The following SAMMSON variants were observed in gnomAD, a reference collection of about 807,000 sequenced individuals.
The protein encoded by SAMMSON is survival associated mitochondrial melanoma specific oncogenic non-coding RNA, also known as long intergenic non-protein coding RNA 1212.
chr3:70,298,218 G>A (rs543511117), intron 7 of SAMMSON, among the ~76,000 whole-genome samples: 3 of 152,132 alleles, frequency 2.0e-5, no homozygotes, highest in Admixed American at 6.6e-5. Flanking sequence ...AAAATATATT[G>A]CTGTTTCTTA....
At chr3:70,130,894 T>C (rs1227125124) in intron 4 of SAMMSON, among the ~76,000 whole-genome samples, 1 of 152,170 alleles carries the variant, frequency 6.6e-6, no homozygotes, top group Non-Finnish European at 1.5e-5. Flanking sequence ...CTGTGCTCTG[T>C]CCAAGTTCCT....
chr3:70,140,310 A>G (rs2067522726), intron 4 of SAMMSON: 1 of 218,278 alleles, frequency 4.6e-6, no homozygotes, highest in Admixed American at 4.4e-5. Flanking sequence ...TCCCCCAACA[A>G]CAGAAAGAGA....
chr3:70,369,297 C>A (rs965857239), intron 9 of SAMMSON, among the ~76,000 whole-genome samples: 2 of 151,584 alleles, frequency 1.3e-5, no homozygotes, highest in Admixed American at 6.6e-5. Context: ...GATAGACAAT[C>A]ATGTCATCTG....
chr3:70,258,570 C>T (rs1408755760), intron 6 of SAMMSON, among the ~76,000 whole-genome samples: 1 of 152,180 alleles, frequency 6.6e-6, no homozygotes, highest in Middle Eastern at 3.4e-3. Flanking sequence ...AATTTCTATC[C>T]ATTGTAAACA....
rs575266207 is a variant in SAMMSON, at chr3:70,364,918, T to A, written n.913+6594T>A. The stretch of plus-strand genomic sequence containing the variant: ...ATTTCATGTTCGTTTCTACTATAAA[T>A]CCCGCATCTCTTTCAATGAGATCGT... On this transcript the variant is annotated intron_variant and non_coding_transcript_variant, in intron 9 of 9. Transcript: ENST00000642114. 3.9e-4 allele frequency among the ~76,000 whole-genome samples: 60 copies of A among 151,908 alleles called. 1 individual carries two copies. The South Asian group carries it at 0.012, about 31-fold the overall frequency.
intron 7 of SAMMSON, among the ~76,000 whole-genome samples, chr3:70,338,041 C>T (rs180984152): frequency 1.3e-5 from 2 of 151,332 alleles, no homozygotes; most frequent in Admixed American, 1.3e-4. Flanking sequence ...TATTTATTGA[C>T]CAAAATTTAT....
chr3:70,157,717 G>A (rs1264293145), intron 4 of SAMMSON, among the ~76,000 whole-genome samples: 1 of 152,066 alleles, frequency 6.6e-6, no homozygotes, highest in African/African-American at 2.4e-5. Flanking sequence ...CAATGAGTAA[G>A]GATTTACTCT....
chr3:70,035,503 A>G (rs2067082045), intron 3 of SAMMSON, among the ~76,000 whole-genome samples: 1 of 152,182 alleles, frequency 6.6e-6, no homozygotes, highest in Non-Finnish European at 1.5e-5. Flanking sequence ...CTAGGAATCC[A>G]GGGTGGCCAT....
intron 1 of SAMMSON, among the ~76,000 whole-genome samples, chr3:70,011,971 G>A (rs888447489): frequency 3.9e-5 from 6 of 151,986 alleles, no homozygotes; most frequent in African/African-American, 7.3e-5. Flanking sequence ...AAATGGCAAC[G>A]CTGTGAGTTA....
chr3:70,193,130 A>T (rs919761322), intron 4 of SAMMSON, among the ~76,000 whole-genome samples: 7 of 152,126 alleles, frequency 4.6e-5, no homozygotes, highest in African/African-American at 4.8e-5. Context: ...GCATATCAAG[A>T]TGGTAGACCA....
intron 9 of SAMMSON, among the ~76,000 whole-genome samples, chr3:70,366,494 T>TTTG (rs1466898797): frequency 5.5e-5 from 6 of 109,718 alleles, no homozygotes; most frequent in Middle Eastern, 0.011. Context: ...GTTTTTATGT[T>TTTG]TTTTTTTTTT....
chr3:70,190,724 C>G (rs1281471328), intron 4 of SAMMSON, among the ~76,000 whole-genome samples: 5 of 152,098 alleles, frequency 3.3e-5, no homozygotes, highest in Non-Finnish European at 1.5e-5. Context: ...TGAAAGGCAT[C>G]AAGAAAGTGA....
chr3:70,126,184 G>A, intron 4 of SAMMSON: 1 of 1,143,288 alleles, frequency 8.7e-7, no homozygotes, highest in Non-Finnish European at 1.3e-6. Flanking sequence ...ATGGTTTGGT[G>A]TAATTACATT....
intron 7 of SAMMSON, among the ~76,000 whole-genome samples, chr3:70,344,957 T>A (rs1037469576): frequency 3.9e-5 from 6 of 152,190 alleles, no homozygotes; most frequent in African/African-American, 1.2e-4. Flanking sequence ...ATGTTAATTG[T>A]ATTAATTATT....
rs193154630 is a variant in SAMMSON at position 70,297,569 on chromosome 3, G to A, written n.739+6326G>A. 2.8e-3 allele frequency among the ~76,000 whole-genome samples: 425 copies of A among 152,224 alleles called. 2 individuals carry two copies. The highest frequency in any genetic ancestry group is 5.0e-3 in the Non-Finnish European group (342 of 67,984). On this transcript the variant is annotated intron_variant and non_coding_transcript_variant, in intron 7 of 9. Transcript: ENST00000642114. Reference sequence around the variant, plus strand: ...GTCTGGGTACCCTGTGGAGCAATATGTATATTTGTGTTATCGGAATTCTTT... The same window carrying A: ...GTCTGGGTACCCTGTGGAGCAATATATATATTTGTGTTATCGGAATTCTTT...
intron 4 of SAMMSON, among the ~76,000 whole-genome samples, chr3:70,230,504 A>G (rs907169006): frequency 5.9e-5 from 9 of 151,990 alleles, no homozygotes; most frequent in African/African-American, 2.2e-4. Context: ...TGAATCATAT[A>G]TATATATATA....
intron 7 of SAMMSON, among the ~76,000 whole-genome samples, chr3:70,296,697 GT>G (rs1702292485): frequency 1.3e-5 from 2 of 151,998 alleles, no homozygotes; most frequent in South Asian, 4.1e-4. Context: ...CTTTCAACAA[GT>G]TCTTAAAACT....
At chr3:70,131,398 CCTG>C (rs1174992100) in intron 4 of SAMMSON, among the ~76,000 whole-genome samples, 1 of 152,132 alleles carries the variant, frequency 6.6e-6, no homozygotes, top group African/African-American at 2.4e-5. Flanking sequence ...TGAGGTTTTC[CCTG>C]CTATCTCATT....
chr3:70,310,728 G>A (rs1355552045), intron 7 of SAMMSON, among the ~76,000 whole-genome samples: 1 of 152,108 alleles, frequency 6.6e-6, no homozygotes, highest in East Asian at 1.9e-4. Context: ...GTGGATGTGA[G>A]GGTATGATGA....
Sources: allele counts gnomAD v4.1 joint callset (sites outside exome capture counted in the v4.1 genomes callset), GRCh38; gene constraint gnomAD v4.1.1; transcripts MANE v1.5; gene names NCBI Gene and HGNC (gene_info 2026-07-23, HGNC 2026-07-21).